The following RAI2 variants were observed in gnomAD, a reference collection of about 807,000 sequenced individuals.
RAI2 encodes the protein retinoic acid induced 2.
RAI2 carries 5 observed loss-of-function variants against 15.3 expected under a neutral mutation model. The observed-to-expected ratio is 0.33, with a 90% CI of 0.17 to 0.69. The LOEUF (loss-of-function observed/expected upper bound fraction) is 0.69, where lower values mean the gene tolerates loss of function less well. Ranked by LOEUF, RAI2 falls within the 30% of genes least tolerant of loss-of-function variation. RAI2 has a pLI of 0.69. For synonymous variants in RAI2, 191 were observed against 184.0 expected, an observed-to-expected ratio of 1.04 and a Z score of -0.31; for missense variants, 424 against 424.7, an observed-to-expected ratio of 1.00 and a Z score of 0.01.
chrX:17,814,783 A>G (rs1310251237), intron 1 of RAI2, among the ~76,000 whole-genome samples: 1 of 110,851 alleles, frequency 9.0e-6, no homozygotes, highest in Non-Finnish European at 1.9e-5. Flanking sequence ...CCCTCCAGAA[A>G]GTTCTTTGAA....
rs769822506 is a variant in RAI2, at chrX:17,844,099, C to T, written c.-25+16999G>A. Among the ~76,000 whole-genome samples the T allele has an allele frequency of 3.6e-5, 4 of 112,270 alleles. 1 individual carries two copies. Among genetic ancestry groups the T allele is most frequent in the Non-Finnish European group, 5.6e-5 (3 of 53,294 alleles). On this transcript the variant is annotated intron_variant, in intron 1 of 1. Transcript: ENST00000451717. ...AAATAAGTCCTTTGCTGATGCCGCT[C>T]CAGACACATTACGATGTATGTTCCA...
chrX:17,848,589 G>T lies in RAI2; in HGVS notation c.-25+12509C>A, dbSNP rs1013215091. Among the ~76,000 whole-genome samples the T allele has an allele frequency of 3.6e-5, 4 of 110,780 alleles. No homozygotes were observed. In the Admixed American group the frequency reaches 3.8e-4, roughly 11 times the overall value. ...CAATCTCCTTCCAGGGACCTTTCCA[G>T]ACCTTCCCTGGCCTCCTGGCCACTC... On this transcript the variant is annotated intron_variant, in intron 1 of 1. Transcript: ENST00000451717.
chrX:17,824,771 A>C (rs1031224315), intron 1 of RAI2, among the ~76,000 whole-genome samples: 4 of 112,005 alleles, frequency 3.6e-5, no homozygotes, highest in African/African-American at 1.3e-4. Flanking sequence ...CCTTTCTGCA[A>C]ATGGGATGGA....
chrX:17,814,124 G>C (rs2067079535), intron 1 of RAI2, among the ~76,000 whole-genome samples: 1 of 109,999 alleles, frequency 9.1e-6, no homozygotes, highest in Admixed American at 9.8e-5. Context: ...GTGAGACAGG[G>C]AAAGCAAGGA....
Position 17,800,781 on chromosome X carries a change from C to T in RAI2, c.1230G>A (p.Glu410=), listed in dbSNP as rs774045345. ...SHISSSDAAT[E]MLSQPNHPSG... ...TGGGGTGGTTGGGCTGGCTGAGCATCTCGGTAGCAGCATCACTGCTGCTGA... is the reference window on the plus strand; with the variant it reads ...TGGGGTGGTTGGGCTGGCTGAGCATTTCGGTAGCAGCATCACTGCTGCTGA... The change falls in exon 2 of 2, where the codon GAG becomes GAA. Residue 410 remains glutamate (E), a synonymous_variant. Transcript: ENST00000451717. 2.5e-6 allele frequency: 3 copies of T among 1,211,862 alleles called. No homozygotes were observed. Among genetic ancestry groups the T allele is most frequent in the Non-Finnish European group, 2.2e-6 (2 of 895,560 alleles).
At chrX:17,848,460 G>A (rs1298833508) in intron 1 of RAI2, among the ~76,000 whole-genome samples, 1 of 106,790 alleles carries the variant, frequency 9.4e-6, no homozygotes, top group Non-Finnish European at 1.9e-5. Context: ...GCTTTGGTGA[G>A]TAACCTCAAC....
intron 1 of RAI2, among the ~76,000 whole-genome samples, chrX:17,849,723 T>C (rs1186390413): frequency 8.9e-6 from 1 of 112,473 alleles, no homozygotes; most frequent in East Asian, 2.8e-4. Flanking sequence ...CTTGGGTAAG[T>C]GGCTCAGTTC....
intron 1 of RAI2, among the ~76,000 whole-genome samples, chrX:17,825,531 C>G (rs1414358600): frequency 8.9e-6 from 1 of 112,466 alleles, no homozygotes; most frequent in Non-Finnish European, 1.9e-5. Context: ...TCACAGGCAG[C>G]CCTTGGCCTC....
intron 1 of RAI2, among the ~76,000 whole-genome samples, chrX:17,846,509 G>A (rs149067101): frequency 2.9e-3 from 325 of 112,145 alleles, no homozygotes; most frequent in African/African-American, 0.01. Context: ...TTAAAGCTGC[G>A]GACTGAAGGT....
chrX:17,841,910 C>T (rs2067402414), intron 1 of RAI2, among the ~76,000 whole-genome samples: 1 of 112,486 alleles, frequency 8.9e-6, no homozygotes, highest in Admixed American at 9.4e-5. Context: ...TCCTATGGCT[C>T]ATTAGATGAA....
At position 17,829,073 on chromosome X, in the gene RAI2, G is replaced by C. The variant is rs368437442; in HGVS notation, c.-24-27039C>G. Among the ~76,000 whole-genome samples, 21 of 110,830 alleles carry C rather than the reference G, an allele frequency of 1.9e-4. No individual in the cohort carries two copies. In the East Asian group the frequency reaches 3.4e-3, roughly 18 times the overall value. ...TTTATGCCTCTAGCTCACCAACTCA[G>C]GAGCAGTAGAATGTCCTGAGCACTC... On this transcript the variant is annotated intron_variant, in intron 1 of 1. Coordinates refer to ENST00000451717, the MANE Select transcript of RAI2 (RefSeq NM_021785.6).
intron 1 of RAI2, among the ~76,000 whole-genome samples, chrX:17,851,822 C>T (rs770410811): frequency 8.9e-6 from 1 of 112,304 alleles, no homozygotes; most frequent in South Asian, 3.7e-4. Context: ...AAAAAACACC[C>T]GATTTTCAAA....
chrX:17,803,950 CT>C (rs948612472), intron 1 of RAI2, among the ~76,000 whole-genome samples: 1 of 96,057 alleles, frequency 1.0e-5, no homozygotes, highest in African/African-American at 4.1e-5. Context: ...TTTTTTTTTT[CT>C]TTTTTCTTCT....
intron 1 of RAI2, among the ~76,000 whole-genome samples, chrX:17,850,550 C>A (rs778034702): frequency 8.9e-6 from 1 of 112,377 alleles, no homozygotes; most frequent in East Asian, 2.8e-4. Context: ...AGGACAAAGC[C>A]AGCTCTCTAT....
At chrX:17,823,808 T>C (rs1454186267) in intron 1 of RAI2, among the ~76,000 whole-genome samples, 1 of 111,737 alleles carries the variant, frequency 8.9e-6, no homozygotes, top group Non-Finnish European at 1.9e-5. Flanking sequence ...AGGATTTGTT[T>C]AGAGCTCCCC....
At chrX:17,858,492 G>A (rs1298708200) in intron 1 of RAI2, among the ~76,000 whole-genome samples, 2 of 112,040 alleles carry the variant, frequency 1.8e-5, no homozygotes, top group African/African-American at 6.5e-5. Flanking sequence ...TTTGGAGCAC[G>A]CTGTGCAGGG....
intron 1 of RAI2, among the ~76,000 whole-genome samples, chrX:17,838,774 C>G (rs951537587): frequency 3.6e-5 from 4 of 111,318 alleles, no homozygotes; most frequent in African/African-American, 1.3e-4. Context: ...TCCCACACTG[C>G]TGCTGCAACA....
In RAI2 at chrX:17,859,898, T is replaced by G. The variant is rs140810150; in HGVS notation, c.-25+1200A>C. Among the ~76,000 whole-genome samples, 464 of 112,618 alleles carry G rather than the reference T, an allele frequency of 4.1e-3. 4 individuals are homozygous for G. The highest frequency in any genetic ancestry group is 0.014 in the African/African-American group (434 of 31,039). On this transcript the variant is annotated intron_variant, in intron 1 of 1. Transcript: ENST00000451717. The stretch of plus-strand genomic sequence containing the variant: ...CCGATATGGTGTCGGCGCCTCCTTG[T>G]CCTCCTCTCCTGCCTTTTTCATTGA...
chrX:17,820,604 T>C (rs2067153701), intron 1 of RAI2, among the ~76,000 whole-genome samples: 1 of 112,248 alleles, frequency 8.9e-6, no homozygotes, highest in African/African-American at 3.2e-5. Context: ...GCTTGTGCTC[T>C]ATGGCACAGG....
Sources: allele counts gnomAD v4.1 joint callset (sites outside exome capture counted in the v4.1 genomes callset), GRCh38; gene constraint gnomAD v4.1.1; transcripts MANE v1.5; gene names NCBI Gene and HGNC (gene_info 2026-07-23, HGNC 2026-07-21).